Variants in SYNRG observed in about 807,000 individuals in gnomAD.
SYNRG encodes AP1 gamma subunit binding protein 1.
In SYNRG, 37 loss-of-function variants were observed where a neutral mutation model predicts 130.9. The observed-to-expected ratio is 0.28, with a 90% CI of 0.22 to 0.37. The LOEUF is 0.37. Among genes scored for constraint, SYNRG ranks in the 10% least tolerant of loss-of-function variants. SYNRG has a pLI of 1.00. For synonymous variants in SYNRG, 539 were observed against 568.1 expected (o/e 0.95, Z 0.73); for missense variants, 1,338 against 1,588.9 (o/e 0.84, Z 2.68).
chr17:37,599,144 G>T (rs1212903007), intron 2 of SYNRG, among the ~76,000 whole-genome samples: 1 of 152,070 alleles, frequency 6.6e-6, no homozygotes, highest in Non-Finnish European at 1.5e-5. Context: ...GCAAATCTAT[G>T]ACAACCAATC....
intron 10 of SYNRG, 21 bp downstream of exon 10, chr17:37,570,616 A>T (rs1396063865): frequency 1.9e-6 from 3 of 1,601,398 alleles, no homozygotes; most frequent in Non-Finnish European, 2.6e-6. Context: ...TATCTGAAAT[A>T]TGCACAGCTT....
At position 37,522,353 on chromosome 17, in the gene SYNRG, G is replaced by T. The variant is rs550233853; in HGVS notation, c.3667-1705C>A. On this transcript the variant is annotated intron_variant, in intron 19 of 21. Transcript: ENST00000612223. ...AATTTTTTGATTTTTTTGTAAAGAT[G>T]ATTATCTCCCTATGTTGCCCAGGCT... Among the ~76,000 whole-genome samples, 23 of 152,160 alleles carry T rather than the reference G, an allele frequency of 1.5e-4. No homozygotes were observed. In the East Asian group the frequency reaches 3.1e-3, roughly 21 times the overall value.
intron 5 of SYNRG, 57 bp downstream of exon 5, chr17:37,585,268 G>T (rs565975840): frequency 1.5e-6 from 2 of 1,360,614 alleles, no homozygotes; most frequent in South Asian, 2.5e-5. Context: ...CAATGAGTGG[G>T]AAGAGGCACA....
At chr17:37,579,135 C>T (rs1270617914) in intron 6 of SYNRG, 4 of 1,169,960 alleles carry the variant, frequency 3.4e-6, no homozygotes, top group Non-Finnish European at 4.3e-6. Flanking sequence ...GAGTTACCTG[C>T]TTCTGGTACA....
At chr17:37,520,822 C>T (rs2054924906) in intron 19 of SYNRG, among the ~76,000 whole-genome samples, 174 bp from the exon 20 acceptor site, 1 of 152,074 alleles carries the variant, frequency 6.6e-6, no homozygotes. Context: ...GTTCCAGGTG[C>T]TAGGAAGGCC....
At chr17:37,535,888 CTAA>C (rs1338606157) in intron 19 of SYNRG, 88 bp downstream of exon 19, 43 of 1,553,974 alleles carry the variant, frequency 2.8e-5, no homozygotes, top group Non-Finnish European at 3.8e-5. Context: ...CCTCCAGCCT[CTAA>C]TAAGTACCAT....
At position 37,515,309 on chromosome 17, in the gene SYNRG, CAT is replaced by C. The variant is rs1278186668; in HGVS notation, c.*3629_*3630del. On this transcript the variant is annotated 3_prime_UTR_variant, in exon 22 of 22. Coordinates refer to ENST00000612223, the MANE Select transcript of SYNRG (RefSeq NM_007247.6). The stretch of plus-strand genomic sequence containing the variant: ...AAGTAAGTAACTTAAACATAAAAAA[CAT>C]AGTCGACACACATCTTGCCCTGCAT... 3 of 152,144 alleles carry C rather than the reference CAT, an allele frequency of 2.0e-5. No homozygotes were observed. The highest frequency in any genetic ancestry group is 1.3e-4 in the Admixed American group (2 of 15,266). 9.4% of individuals were successfully genotyped at this position (152,144 alleles called of 1,614,324 possible). A position where few individuals can be genotyped will look rare whatever the true frequency, so the allele number is the denominator to read the frequency against.
intron 1 of SYNRG, among the ~76,000 whole-genome samples, chr17:37,602,499 C>T (rs149540468): frequency 0.012 from 1,804 of 152,168 alleles, 29 homozygotes; most frequent in African/African-American, 0.04. Flanking sequence ...AGAGTTATAA[C>T]TGAAGAAGGA....
chr17:37,538,805 G>A (rs1309969764), intron 17 of SYNRG, among the ~76,000 whole-genome samples: 2 of 152,228 alleles, frequency 1.3e-5, no homozygotes, highest in Non-Finnish European at 2.9e-5. Context: ...ATGTTGGTCA[G>A]GCTGGTCTCA....
rs1048391087 is a variant in SYNRG, at chr17:37,518,452, G to C, written c.*488C>G. 1.9e-5 allele frequency: 3 copies of C among 154,030 alleles called. No homozygotes were observed. The highest frequency in any genetic ancestry group is 4.3e-5 in the Non-Finnish European group (3 of 69,178). The allele number at this position is 154,030 out of a possible 1,614,324, so 9.5% of individuals were successfully genotyped here. On this transcript the variant is annotated 3_prime_UTR_variant, in exon 22 of 22. Transcript: ENST00000612223. ...GGCAGAATCTTCTCCATAAAAAGCA[G>C]AACATCAGTTTAATCGCAATTTCCT...
At chr17:37,605,893 A>G (rs2063706570) in intron 1 of SYNRG, 1 of 985,418 alleles carries the variant, frequency 1.0e-6, no homozygotes, top group Non-Finnish European at 1.2e-6. Flanking sequence ...TTCACTTCTT[A>G]GGCCTAAACT....
At chr17:37,522,159 T>C (rs1210554763) in intron 19 of SYNRG, among the ~76,000 whole-genome samples, 1 of 41,300 alleles carries the variant, frequency 2.4e-5, no homozygotes, top group African/African-American at 1.5e-4. Flanking sequence ...ACACACACAA[T>C]GGTTAAAAGG....
chr17:37,605,220 A>G (rs2063645959), intron 1 of SYNRG, among the ~76,000 whole-genome samples: 1 of 152,256 alleles, frequency 6.6e-6, no homozygotes, highest in South Asian at 2.1e-4. Flanking sequence ...GACATTACTC[A>G]TATGCTAAAA....
At chr17:37,539,051 T>C in intron 17 of SYNRG, 141 bp downstream of exon 17, 1 of 1,463,188 alleles carries the variant, frequency 6.8e-7, no homozygotes, top group Non-Finnish European at 9.0e-7. Flanking sequence ...GATGCATGAC[T>C]TCCACAGAGT....
Position 37,571,735 on chromosome 17 carries a change from T to A in SYNRG, c.1098+56A>T, listed in dbSNP as rs545535760. 3.3e-6 allele frequency: 5 copies of A among 1,496,114 alleles called. No individual in the cohort carries two copies. The Admixed American group carries it at 1.0e-4, about 30-fold the overall frequency. 92.7% of individuals were successfully genotyped at this position (1,496,114 alleles called of 1,614,324 possible). A position where few individuals can be genotyped will look rare whatever the true frequency, so the allele number is the denominator to read the frequency against. On this transcript the variant is annotated intron_variant, in intron 9 of 21. Coordinates refer to ENST00000612223, the MANE Select transcript of SYNRG (RefSeq NM_007247.6). ...ACAATGTAGTAAAAAAGATTTCATA[T>A]CCTTGCAATTTATATTAATAAAGTT...
chr17:37,519,350 A>C (rs199830089), intron 21 of SYNRG, among the ~76,000 whole-genome samples: 1 of 152,056 alleles, frequency 6.6e-6, no homozygotes, highest in Admixed American at 6.5e-5. Context: ...GGAGGGGGGG[A>C]ATCATGATAA....
chr17:37,593,366 T>C lies in SYNRG; in HGVS notation c.240+2857A>G, dbSNP rs150481739. On this transcript the variant is annotated intron_variant, in intron 3 of 21. Coordinates refer to ENST00000612223, the MANE Select transcript of SYNRG (RefSeq NM_007247.6). ...AGACAGAAGTTGCAGTGAGCCGAGATTGTACCACTGCACTCCAGCCTGGGC... is the reference window on the plus strand; with the variant it reads ...AGACAGAAGTTGCAGTGAGCCGAGACTGTACCACTGCACTCCAGCCTGGGC... 1.5e-3 allele frequency among the ~76,000 whole-genome samples: 228 copies of C among 152,020 alleles called. 1 individual carries two copies. The highest frequency in any genetic ancestry group is 5.2e-3 in the African/African-American group (216 of 41,466).
At position 37,609,402 on chromosome 17, in the gene SYNRG, A is replaced by G. The variant is rs763858822; in HGVS notation, c.-47T>C. 3.6e-6 allele frequency: 5 copies of G among 1,380,274 alleles called. No individual in the cohort carries two copies. The South Asian group carries it at 6.4e-5, about 18-fold the overall frequency. The allele number at this position is 1,380,274 out of a possible 1,614,324, so 85.5% of individuals were successfully genotyped here. On this transcript the variant is annotated 5_prime_UTR_variant, in exon 1 of 22. Coordinates refer to ENST00000612223, the MANE Select transcript of SYNRG (RefSeq NM_007247.6). ...CCTTCGCCGCCGCCACCTTATCAGC[A>G]GCTGTCAGCTGAACACAGCCACTTC...
At chr17:37,592,906 C>T (rs1210850002) in intron 3 of SYNRG, among the ~76,000 whole-genome samples, 1 of 152,118 alleles carries the variant, frequency 6.6e-6, no homozygotes, top group Non-Finnish European at 1.5e-5. Context: ...AATAGGGGAA[C>T]TGGGCAAAGG....
Sources: gnomAD v4.1 joint callset for allele counts (sites outside exome capture counted in the v4.1 genomes callset) on GRCh38, gnomAD v4.1.1 for gene constraint, MANE v1.5 for transcripts, NCBI Gene and HGNC (gene_info 2026-07-23, HGNC 2026-07-21) for gene names.